ZNF589: variants seen among roughly 807,000 people sequenced by gnomAD.
ZNF589 encodes KRAB-zinc finger protein SZF1-1.
ZNF589 carries 17 observed loss-of-function variants against 13.6 expected under a neutral mutation model. The ratio of observed to expected loss-of-function variants is 1.25; its 90% CI spans 0.86 to 1.88. The LOEUF is 1.88. Ranked by LOEUF, ZNF589 falls within the 40% of genes most tolerant of loss-of-function variation. The probability of loss-of-function intolerance (pLI) is 0.00; values close to 1 mark genes in which losing one functional copy is unlikely to be tolerated. For synonymous variants in ZNF589, 148 were observed against 161.6 expected (o/e 0.92, Z 0.64); for missense variants, 407 against 434.0 (o/e 0.94, Z 0.55).
At position 48,269,316 on chromosome 3, in the gene ZNF589, C is replaced by A; in HGVS notation, c.*530C>A. The stretch of plus-strand genomic sequence containing the variant: ...GGGCGAGGCTTTATAGCTCAGTCAA[C>A]CCTCCACTACCACCGGAGTACACAC... On this transcript the variant is annotated 3_prime_UTR_variant, in exon 4 of 4. Transcript: ENST00000354698. The A allele has an allele frequency of 1.4e-6, 2 of 1,379,648 alleles. No homozygotes were observed. The highest frequency in any genetic ancestry group is 1.4e-5 in the African/African-American group (1 of 69,260). 85.5% of individuals were successfully genotyped at this position (1,379,648 alleles called of 1,614,324 possible).
In ZNF589 at chr3:48,241,923, C is replaced by T. The variant is rs541717330; in HGVS notation, c.43+709C>T. Among the ~76,000 whole-genome samples the T allele has an allele frequency of 2.3e-4, 35 of 152,066 alleles. No individual in the cohort carries two copies. In the East Asian group the frequency reaches 6.8e-3, roughly 29 times the overall value. ...TCCGCTTTCCCAGGCTCAAGTGATT[C>T]TCGTGCCTCAGCTTCCGGAGTAGCT... On this transcript the variant is annotated intron_variant, in intron 1 of 3. Transcript: ENST00000354698.
intron 1 of ZNF589, among the ~76,000 whole-genome samples, chr3:48,242,933 G>T (rs183791235): frequency 4.9e-4 from 74 of 151,896 alleles, no homozygotes; most frequent in Non-Finnish European, 9.4e-4. Flanking sequence ...AATAAGCTGG[G>T]TGTGGTGCCG....
At chr3:48,246,543 C>A (rs1004849097) in intron 1 of ZNF589, among the ~76,000 whole-genome samples, 1 of 152,236 alleles carries the variant, frequency 6.6e-6, no homozygotes, top group South Asian at 2.1e-4. Context: ...GCCGTGGATT[C>A]AAGTGATCCT....
At chr3:48,252,901 C>T (rs534336164) in intron 2 of ZNF589, among the ~76,000 whole-genome samples, 1 of 152,292 alleles carries the variant, frequency 6.6e-6, no homozygotes, top group Admixed American at 6.5e-5. Flanking sequence ...CAGGCGTGAG[C>T]CACTGCGCCC....
chr3:48,249,675 T>C (rs1266942689), intron 2 of ZNF589, among the ~76,000 whole-genome samples: 1 of 152,240 alleles, frequency 6.6e-6, no homozygotes, highest in Non-Finnish European at 1.5e-5. Context: ...GATTGACATA[T>C]AATGTTTGTA....
intron 2 of ZNF589, among the ~76,000 whole-genome samples, chr3:48,252,545 T>TTATCAA (rs1491265802): frequency 1.3e-5 from 2 of 151,760 alleles, no homozygotes; most frequent in Non-Finnish European, 2.9e-5. Context: ...ATTGAAAGTC[T>TTATCAA]TATCAATTTG....
chr3:48,265,419 T>TG lies in ZNF589; in HGVS notation c.224-2493dup, dbSNP rs376734006. Among the ~76,000 whole-genome samples, 566 of 151,602 alleles carry TG rather than the reference T, an allele frequency of 3.7e-3. 2 individuals are homozygous for TG. Among genetic ancestry groups the TG allele is most frequent in the African/African-American group, 0.013 (526 of 41,326 alleles). ...CTCCTGCCTCAGCCTCCTGAGTAGC[T>TG]GGGATTACAGGCCGGCGCCACCATG... is the stretch of plus-strand genomic sequence containing the variant. On this transcript the variant is annotated intron_variant, in intron 3 of 3. Transcript: ENST00000354698.
chr3:48,263,500 T>C (rs2033988443), intron 3 of ZNF589, among the ~76,000 whole-genome samples: 1 of 152,150 alleles, frequency 6.6e-6, no homozygotes, highest in Non-Finnish European at 1.5e-5. Flanking sequence ...CCCAGCACTT[T>C]GGGAGGCCAA....
chr3:48,262,973 T>C (rs996018064), intron 3 of ZNF589, among the ~76,000 whole-genome samples: 1 of 152,248 alleles, frequency 6.6e-6, no homozygotes, highest in African/African-American at 2.4e-5. Context: ...GGCATATCCA[T>C]GTGTGTCTGC....
chr3:48,241,104 G>C lies in ZNF589; in HGVS notation c.-68G>C, dbSNP rs2033689503. On this transcript the variant is annotated 5_prime_UTR_variant, in exon 1 of 4. Coordinates refer to ENST00000354698, the MANE Select transcript of ZNF589 (RefSeq NM_016089.3). ...TCTGGCGCCGCCAGTGGCCCGCGGT[G>C]CGCATTCTAATCCGTTTCACACACG... is the stretch of plus-strand genomic sequence containing the variant. The C allele has an allele frequency of 1.9e-6, 3 of 1,601,046 alleles. No homozygotes were observed. In the African/African-American group the frequency reaches 4.0e-5, roughly 21 times the overall value.
chr3:48,247,494 G>A, intron 1 of ZNF589, 131 bp from the exon 2 acceptor site: 1 of 815,124 alleles, frequency 1.2e-6, no homozygotes, highest in Non-Finnish European at 2.0e-6. Context: ...GGCAGGAGGT[G>A]AGAGGAGCTC....
At chr3:48,253,498 CTTTTTT>C (rs59231973) in intron 2 of ZNF589, among the ~76,000 whole-genome samples, 2 of 95,322 alleles carry the variant, frequency 2.1e-5, no homozygotes. Context: ...TCATATTTTT[CTTTTTT>C]TTTTTTTTTT....
intron 1 of ZNF589, among the ~76,000 whole-genome samples, chr3:48,244,231 A>G (rs998931028): frequency 6.6e-6 from 1 of 152,110 alleles, no homozygotes; most frequent in Non-Finnish European, 1.5e-5. Flanking sequence ...TGCTGAAAAG[A>G]CTGAGGAGCT....
intron 2 of ZNF589, chr3:48,256,562 C>T (rs1358255506): frequency 2.9e-6 from 2 of 683,460 alleles, no homozygotes; most frequent in African/African-American, 1.8e-5. Context: ...TGGTAACAGA[C>T]CTGCTCGGTA....
At chr3:48,241,866 G>T (rs2033702244) in intron 1 of ZNF589, among the ~76,000 whole-genome samples, 1 of 152,088 alleles carries the variant, frequency 6.6e-6, no homozygotes, top group South Asian at 2.1e-4. Flanking sequence ...TCGGTCCGGA[G>T]TGCAGTGGCG....
chr3:48,263,573 T>G (rs1396006145), intron 3 of ZNF589, among the ~76,000 whole-genome samples: 4 of 152,080 alleles, frequency 2.6e-5, no homozygotes, highest in Non-Finnish European at 4.4e-5. Context: ...TAACTTTGCC[T>G]CTACTAAAAA....
chr3:48,254,285 T>A (rs1423668316), intron 2 of ZNF589, among the ~76,000 whole-genome samples: 1 of 152,110 alleles, frequency 6.6e-6, no homozygotes, highest in African/African-American at 2.4e-5. Context: ...AATCAGTCGA[T>A]GTTTGTGTCG....
intron 1 of ZNF589, among the ~76,000 whole-genome samples, chr3:48,241,898 T>G (rs1209644444): frequency 6.6e-6 from 1 of 151,918 alleles, no homozygotes; most frequent in African/African-American, 2.4e-5. Context: ...CACTGCAGCC[T>G]CCGCTTTCCC....
At chr3:48,258,078 G>A in intron 2 of ZNF589, 1 of 297,936 alleles carries the variant, frequency 3.4e-6, no homozygotes, top group South Asian at 3.0e-5. Context: ...TTGGGATTTT[G>A]ATGGGAATTG....
Sources: gnomAD v4.1 joint callset for allele counts (sites outside exome capture counted in the v4.1 genomes callset) on GRCh38, gnomAD v4.1.1 for gene constraint, MANE v1.5 for transcripts, NCBI Gene and HGNC (gene_info 2026-07-23, HGNC 2026-07-21) for gene names.